MID1: variants seen among roughly 807,000 people sequenced by gnomAD.
MID1 encodes the protein E3 ubiquitin-protein ligase Midline-1.
Under a neutral mutation model 40.4 loss-of-function variants are expected in MID1, and 7 were observed. The observed-to-expected ratio is 0.17, with a 90% CI of 0.10 to 0.33. The LOEUF is 0.33. Among genes scored for constraint, MID1 ranks in the 10% least tolerant of loss-of-function variants. The pLI is 1.00. For missense variants in MID1, 367 were observed against 558.5 expected (o/e 0.66, Z 3.46); for synonymous variants, 229 against 221.2 (o/e 1.04, Z -0.31).
chrX:10,608,056 C>T (rs1171189816), intron 1 of MID1, among the ~76,000 whole-genome samples: 3 of 112,274 alleles, frequency 2.7e-5, no homozygotes, highest in Non-Finnish European at 5.6e-5. Flanking sequence ...AAATGAGACA[C>T]CACTACACAC....
chrX:10,653,190 C>T (rs747186139), intron 1 of MID1, among the ~76,000 whole-genome samples: 20 of 112,225 alleles, frequency 1.8e-4, no homozygotes, highest in Non-Finnish European at 3.8e-4. Context: ...ATACACTTCC[C>T]CGTAGCTTCC....
At chrX:10,561,072 C>A (rs1229521872) in intron 2 of MID1, among the ~76,000 whole-genome samples, 1 of 106,898 alleles carries the variant, frequency 9.4e-6, no homozygotes, top group African/African-American at 3.7e-5. Flanking sequence ...CACACATCTA[C>A]AACCATCTGA....
chrX:10,595,323 G>A (rs189050723), intron 1 of MID1, among the ~76,000 whole-genome samples: 13 of 111,520 alleles, frequency 1.2e-4, no homozygotes, highest in African/African-American at 4.2e-4. Flanking sequence ...CAGACAAAAG[G>A]ATAAAGAAAA....
At chrX:10,546,716 T>C (rs1217372127) in intron 2 of MID1, among the ~76,000 whole-genome samples, 1 of 111,887 alleles carries the variant, frequency 8.9e-6, no homozygotes, top group African/African-American at 3.3e-5. Context: ...CTTAGGGCTA[T>C]ATAACTCTCA....
intron 1 of MID1, among the ~76,000 whole-genome samples, chrX:10,764,141 C>T (rs2043702969): frequency 9.0e-6 from 1 of 111,702 alleles, no homozygotes; most frequent in African/African-American, 3.3e-5. Flanking sequence ...ATGGTAGTTT[C>T]TTTTGCTGTG....
intron 4 of MID1, among the ~76,000 whole-genome samples, chrX:10,494,728 C>T (rs1403921418): frequency 1.0e-5 from 1 of 97,710 alleles, no homozygotes; most frequent in Non-Finnish European, 2.0e-5. Context: ...GAGCCATGAT[C>T]GTGCCACTGC....
At chrX:10,468,071 C>T (rs1929486525) in intron 7 of MID1, among the ~76,000 whole-genome samples, 1 of 112,113 alleles carries the variant, frequency 8.9e-6, no homozygotes, top group African/African-American at 3.2e-5. Flanking sequence ...TCTGACCTTT[C>T]TATATTCCCT....
At chrX:10,764,150 T>C (rs2043703057) in intron 1 of MID1, among the ~76,000 whole-genome samples, 1 of 112,101 alleles carries the variant, frequency 8.9e-6, no homozygotes, top group South Asian at 3.7e-4. Context: ...TCTTTTGCTG[T>C]GCAGAAGCTC....
rs1191797347 is a variant in MID1, at chrX:10,460,348, C to T, written c.1286-541G>A. On this transcript the variant is annotated intron_variant, in intron 7 of 9. Coordinates refer to ENST00000317552, the MANE Select transcript of MID1 (RefSeq NM_000381.4). The stretch of plus-strand genomic sequence containing the variant: ...CCCCAACCGACCTCCAACAGGGAAG[C>T]TAAGAAATGATCATCATCCCTAGGA... Among the ~76,000 whole-genome samples the T allele has an allele frequency of 1.5e-4, 17 of 111,378 alleles. No individual in the cohort carries two copies. The Admixed American group carries it at 1.6e-3, about 11-fold the overall frequency.
intron 1 of MID1, among the ~76,000 whole-genome samples, chrX:10,687,239 A>G (rs1302030793): frequency 9.0e-6 from 1 of 111,647 alleles, no homozygotes; most frequent in African/African-American, 3.3e-5. Context: ...AGACACGATA[A>G]TTTTATCAAT....
intron 3 of MID1, among the ~76,000 whole-genome samples, chrX:10,497,056 T>C (rs762341126): frequency 1.8e-5 from 2 of 112,480 alleles, no homozygotes; most frequent in African/African-American, 3.2e-5. Flanking sequence ...TCATTTCTCT[T>C]ATTGTTATTT....
chrX:10,668,888 A>G (rs1260607461), intron 1 of MID1, among the ~76,000 whole-genome samples: 2 of 112,377 alleles, frequency 1.8e-5, no homozygotes, highest in Non-Finnish European at 3.8e-5. Context: ...TTTAGGTTTC[A>G]ATAGTAGATT....
At chrX:10,729,639 T>A (rs1023478769) in intron 1 of MID1, among the ~76,000 whole-genome samples, 3 of 112,261 alleles carry the variant, frequency 2.7e-5, no homozygotes, top group African/African-American at 9.7e-5. Context: ...ACTCAACTGG[T>A]CATTTTAAAA....
chrX:10,770,038 G>A (rs920528064), intron 1 of MID1, among the ~76,000 whole-genome samples: 1 of 111,545 alleles, frequency 9.0e-6, no homozygotes, highest in Non-Finnish European at 1.9e-5. Flanking sequence ...CTTTTCCTGT[G>A]TAATGAAGTG....
At chrX:10,830,506 G>C (rs2044246146) in intron 1 of MID1, among the ~76,000 whole-genome samples, 1 of 112,541 alleles carries the variant, frequency 8.9e-6, no homozygotes, top group African/African-American at 3.2e-5. Flanking sequence ...AAAGATAATC[G>C]ATGTCAAATG....
At chrX:10,628,621 C>T (rs1172234225) in intron 1 of MID1, among the ~76,000 whole-genome samples, 5 of 111,548 alleles carry the variant, frequency 4.5e-5, no homozygotes, top group Admixed American at 9.5e-5. Context: ...CCAACCAATT[C>T]GCAAATAGGT....
At chrX:10,690,055 A>AGGGGGGGGG (rs2043122921) in intron 1 of MID1, among the ~76,000 whole-genome samples, 1 of 33,319 alleles carries the variant, frequency 3.0e-5, no homozygotes, top group African/African-American at 1.2e-4. Flanking sequence ...AATGAGGGGC[A>AGGGGGGGGG]GGGTGGGTGG....
At chrX:10,484,162 T>C (rs898495515) in intron 4 of MID1, among the ~76,000 whole-genome samples, 23 of 112,449 alleles carry the variant, frequency 2.0e-4, no homozygotes, top group African/African-American at 7.1e-4. Context: ...AACATGTTCA[T>C]AAGAAACTGT....
intron 1 of MID1, among the ~76,000 whole-genome samples, chrX:10,757,069 T>C (rs754477891): frequency 8.9e-6 from 1 of 112,034 alleles, no homozygotes; most frequent in Non-Finnish European, 1.9e-5. Flanking sequence ...TGGTGGTCCT[T>C]GAACTTGGGC....
Sources: gnomAD v4.1 joint callset for allele counts (sites outside exome capture counted in the v4.1 genomes callset) on GRCh38, gnomAD v4.1.1 for gene constraint, MANE v1.5 for transcripts, NCBI Gene and HGNC (gene_info 2026-07-23, HGNC 2026-07-21) for gene names.